Variants in ZNF385B observed in about 807,000 individuals in gnomAD.
ZNF385B encodes zinc finger protein 385B.
In ZNF385B, 23 loss-of-function variants were observed where a neutral mutation model predicts 39.2. That is an observed-to-expected ratio of 0.59 (90% CI 0.42 to 0.83). The LOEUF (loss-of-function observed/expected upper bound fraction) is 0.83. ZNF385B is among the 40% of genes least tolerant of loss of function. The probability of loss-of-function intolerance (pLI) is 0.00; values close to 1 mark genes in which losing one functional copy is unlikely to be tolerated. For synonymous variants in ZNF385B, 205 were observed against 222.6 expected (o/e 0.92, Z 0.70); for missense variants, 552 against 598.9 (o/e 0.92, Z 0.82).
chr2:179,565,962 C>G (rs1684522118), intron 3 of ZNF385B, among the ~76,000 whole-genome samples: 3 of 152,110 alleles, frequency 2.0e-5, no homozygotes, highest in Admixed American at 6.6e-5. Flanking sequence ...TGTCTTCTTC[C>G]CCAAAGAGCT....
At chr2:179,835,702 T>C (rs1255810236) in intron 1 of ZNF385B, among the ~76,000 whole-genome samples, 3 of 152,030 alleles carry the variant, frequency 2.0e-5, no homozygotes, top group Non-Finnish European at 4.4e-5. Context: ...TGTTCTTTCC[T>C]GGAACTGGTG....
intron 1 of ZNF385B, among the ~76,000 whole-genome samples, chr2:179,782,929 C>T (rs530964606): frequency 5.9e-5 from 9 of 152,176 alleles, no homozygotes; most frequent in East Asian, 1.9e-4. Context: ...ACAGATTCAA[C>T]GCTATTCCTA....
intron 3 of ZNF385B, among the ~76,000 whole-genome samples, chr2:179,718,983 T>TAC (rs1700511377): frequency 6.6e-6 from 1 of 151,640 alleles, no homozygotes; most frequent in Non-Finnish European, 1.5e-5. Context: ...TATATATTTT[T>TAC]TTTTTCTATA....
intron 3 of ZNF385B, among the ~76,000 whole-genome samples, chr2:179,582,436 G>A (rs1686633713): frequency 2.0e-5 from 3 of 152,172 alleles, no homozygotes; most frequent in Admixed American, 1.3e-4. Flanking sequence ...AGAGCTGCTA[G>A]TCAGGATGCT....
At chr2:179,752,509 C>A (rs987116850) in intron 3 of ZNF385B, among the ~76,000 whole-genome samples, 75 of 152,224 alleles carry the variant, frequency 4.9e-4, no homozygotes, top group Non-Finnish European at 1.0e-3. Context: ...GGAATTGCCA[C>A]ACTATCTTCC....
intron 3 of ZNF385B, among the ~76,000 whole-genome samples, chr2:179,730,212 G>C (rs1349019873): frequency 1.3e-5 from 2 of 152,012 alleles, no homozygotes; most frequent in African/African-American, 4.8e-5. Context: ...TTTATGCCCG[G>C]GTCCTGGCTT....
At chr2:179,551,496 C>A (rs2060567041) in intron 3 of ZNF385B, among the ~76,000 whole-genome samples, 1 of 133,642 alleles carries the variant, frequency 7.5e-6, no homozygotes, top group African/African-American at 3.2e-5. Flanking sequence ...ACCTAGGTTT[C>A]ACCTAAGATC....
chr2:179,496,525 G>T (rs1020352061), intron 5 of ZNF385B, among the ~76,000 whole-genome samples: 1 of 152,096 alleles, frequency 6.6e-6, no homozygotes, highest in Non-Finnish European at 1.5e-5. Flanking sequence ...AACCCAAAAA[G>T]ACTACCTCAA....
At chr2:179,754,753 T>C (rs188707219) in intron 3 of ZNF385B, among the ~76,000 whole-genome samples, 12,010 of 152,280 alleles carry the variant, frequency 0.079, 786 homozygotes, top group Admixed American at 0.21. Flanking sequence ...TGGTAGTTTG[T>C]ATTTCTTTGG....
At chr2:179,813,295 C>A (rs1706849554) in intron 1 of ZNF385B, among the ~76,000 whole-genome samples, 1 of 152,110 alleles carries the variant, frequency 6.6e-6, no homozygotes, top group Admixed American at 6.5e-5. Context: ...GTATTAAATA[C>A]CTTAAACATA....
intron 1 of ZNF385B, among the ~76,000 whole-genome samples, chr2:179,827,887 G>A (rs1442209840): frequency 6.6e-6 from 1 of 152,060 alleles, no homozygotes; most frequent in Non-Finnish European, 1.5e-5. Flanking sequence ...CCTGCCTCAA[G>A]GGTAACCACT....
At chr2:179,505,188 A>G (rs9288033) in intron 5 of ZNF385B, among the ~76,000 whole-genome samples, 102,969 of 151,874 alleles carry the variant, frequency 0.68, 35,648 homozygotes, top group East Asian at 0.93. Flanking sequence ...GACTGTATAC[A>G]TTCGTCAAAC....
chr2:179,615,295 A>T (rs971346782), intron 3 of ZNF385B, among the ~76,000 whole-genome samples: 2 of 152,196 alleles, frequency 1.3e-5, no homozygotes, highest in Non-Finnish European at 2.9e-5. Flanking sequence ...AAGAGTTTCT[A>T]CCAGGAACTC....
At chr2:179,532,342 G>T (rs1451299656) in intron 4 of ZNF385B, among the ~76,000 whole-genome samples, 1 of 152,144 alleles carries the variant, frequency 6.6e-6, no homozygotes, top group Non-Finnish European at 1.5e-5. Context: ...TAGAGCAAAT[G>T]AAATCACCAA....
chr2:179,572,018 G>C (rs1339145078), intron 3 of ZNF385B, among the ~76,000 whole-genome samples: 2 of 151,968 alleles, frequency 1.3e-5, no homozygotes, highest in Non-Finnish European at 2.9e-5. Flanking sequence ...ACGCCTGTGG[G>C]GGCCTGGGAG....
At chr2:179,502,566 G>T (rs1416443883) in intron 5 of ZNF385B, among the ~76,000 whole-genome samples, 1 of 152,096 alleles carries the variant, frequency 6.6e-6, no homozygotes, top group Non-Finnish European at 1.5e-5. Context: ...AGACGTGCTT[G>T]CTTCCCCTTT....
At chr2:179,702,746 GA>G (rs1397731056) in intron 3 of ZNF385B, among the ~76,000 whole-genome samples, 2 of 152,280 alleles carry the variant, frequency 1.3e-5, no homozygotes, top group Non-Finnish European at 2.9e-5. Context: ...ATATAGTTAA[GA>G]TTGGTTAAGT....
chr2:179,565,375 T>C (rs561244471), intron 3 of ZNF385B, among the ~76,000 whole-genome samples: 3 of 152,346 alleles, frequency 2.0e-5, no homozygotes, highest in African/African-American at 7.2e-5. Context: ...ATTCTTACTA[T>C]GGTGGCTAGA....
chr2:179,558,283 A>C (rs1301227447), intron 3 of ZNF385B, among the ~76,000 whole-genome samples: 1 of 152,132 alleles, frequency 6.6e-6, no homozygotes, highest in Non-Finnish European at 1.5e-5. Flanking sequence ...TGCTGCTATA[A>C]ATTCTAGCTC....
Sources: allele counts gnomAD v4.1 joint callset (sites outside exome capture counted in the v4.1 genomes callset), GRCh38; gene constraint gnomAD v4.1.1; transcripts MANE v1.5; gene names NCBI Gene and HGNC (gene_info 2026-07-23, HGNC 2026-07-21).